HIPK1: variants seen among roughly 807,000 people sequenced by gnomAD.
The protein encoded by HIPK1 is homeodomain-interacting protein kinase 1.
Under a neutral mutation model 117.1 loss-of-function variants are expected in HIPK1, and 28 were observed. The observed-to-expected ratio is 0.24, with a 90% CI of 0.18 to 0.33. The LOEUF (loss-of-function observed/expected upper bound fraction) is 0.33. Among genes scored for constraint, HIPK1 ranks in the 10% least tolerant of loss-of-function variants. HIPK1 has a pLI of 1.00. For missense variants in HIPK1, 1,122 were observed against 1,475.1 expected (o/e 0.76, Z 3.92); for synonymous variants, 605 against 562.5 (o/e 1.08, Z -1.07).
In HIPK1 at chr1:113,976,563, T is replaced by C. The variant is rs1326453563; in HGVS notation, c.*3051T>C. The C allele has an allele frequency of 6.5e-6, 1 of 152,814 alleles. No homozygotes were observed. Among genetic ancestry groups the C allele is most frequent in the Non-Finnish European group, 1.5e-5 (1 of 68,048 alleles). 9.5% of individuals were successfully genotyped at this position (152,814 alleles called of 1,614,324 possible). On this transcript the variant is annotated 3_prime_UTR_variant, in exon 16 of 16. Transcript: ENST00000426820. Reference sequence around the variant, plus strand: ...ATACCAAGAGCTTGTATTGTTACCTTAGTCACTTGCCTAGCAGTGTGTGGC... The same window carrying C: ...ATACCAAGAGCTTGTATTGTTACCTCAGTCACTTGCCTAGCAGTGTGTGGC...
intron 2 of HIPK1, among the ~76,000 whole-genome samples, chr1:113,942,382 A>G (rs186623985): frequency 5.7e-4 from 87 of 152,360 alleles, no homozygotes; most frequent in South Asian, 8.3e-4. Flanking sequence ...GAGTCTTGAA[A>G]TACACAAAGA....
chr1:113,954,414 A>T (rs947444314), intron 3 of HIPK1, among the ~76,000 whole-genome samples: 25 of 152,372 alleles, frequency 1.6e-4, no homozygotes, highest in African/African-American at 4.6e-4. Flanking sequence ...TTAGAAGTCA[A>T]CAGGAAAAGC....
chr1:113,929,883 C>G, intron 1 of HIPK1: 2 of 987,034 alleles, frequency 2.0e-6, no homozygotes, highest in Non-Finnish European at 2.4e-6. Context: ...ATCTCGTCTC[C>G]TCCGCCGCCT....
chr1:113,970,140 A>G lies in HIPK1; in HGVS notation c.2956A>G (p.Ile986Val), dbSNP rs1672725653. The G allele has an allele frequency of 4.3e-6, 7 of 1,614,178 alleles. No homozygotes were observed. The highest frequency in any genetic ancestry group is 5.9e-6 in the Non-Finnish European group (7 of 1,180,032). Residue 986 changes from isoleucine to valine, a missense_variant, in exon 14 of 16, where the codon ATT (isoleucine) becomes GTT (valine). By Grantham distance (29) the Ile-to-Val change is conservative. This residue lies in a region of HIPK1 where 731 missense variants were observed against 860.4 expected (regional missense o/e 0.85). Transcript: ENST00000426820. ...VADGTGTRTI[I>V]VPPLKTQLGD... ...AGATGGCACTGGCACCCGCACTATC[A>G]TTGTGCCTCCACTGAAAACTCAGCT...
rs905427267 is a variant in HIPK1, at chr1:113,973,962, T to C, written c.*450T>C. ...GCTGATAGAAGGAGTTGAAATCTGATGACAAAAAAAGAAAAATTACTTTTT... is the reference window on the plus strand; with the variant it reads ...GCTGATAGAAGGAGTTGAAATCTGACGACAAAAAAAGAAAAATTACTTTTT... On this transcript the variant is annotated 3_prime_UTR_variant, in exon 16 of 16. Transcript: ENST00000426820. The C allele has an allele frequency of 6.5e-6, 1 of 153,806 alleles. No individual in the cohort carries two copies. The highest frequency in any genetic ancestry group is 2.4e-5 in the African/African-American group (1 of 41,518). 9.5% of individuals were successfully genotyped at this position (153,806 alleles called of 1,614,324 possible).
chr1:113,954,878 AG>A (rs1201488557), intron 4 of HIPK1, 108 bp downstream of exon 4: 6 of 1,022,382 alleles, frequency 5.9e-6, no homozygotes, highest in Non-Finnish European at 1.4e-6. Context: ...GGGAAAGGAG[AG>A]GGGGAAGCAT....
rs199565306 is a variant in HIPK1, at chr1:113,973,516, G to A, written c.*4G>A. 1 of 1,570,076 alleles carries A rather than the reference G, an allele frequency of 6.4e-7. No homozygotes were observed. Among genetic ancestry groups the A allele is most frequent in the African/African-American group, 1.3e-5 (1 of 74,300 alleles). On this transcript the variant is annotated 3_prime_UTR_variant, in exon 16 of 16. Transcript: ENST00000426820. ...CAGCCAGTATTCCTACTTATAGTTG[G>A]TGAGCATGAGGGAGGAGGAATCATG... is the stretch of plus-strand genomic sequence containing the variant.
At chr1:113,938,630 C>T (rs115704628) in intron 1 of HIPK1, among the ~76,000 whole-genome samples, 1,537 of 151,826 alleles carry the variant, frequency 0.01, 14 homozygotes, top group Non-Finnish European at 0.015. Flanking sequence ...CTTAGGAGGC[C>T]AGGGGCAGTG....
rs550590116 is a variant in HIPK1, at chr1:113,968,974, C to T, written c.2771+326C>T. Among the ~76,000 whole-genome samples the T allele has an allele frequency of 3.0e-3, 455 of 152,236 alleles. 4 individuals are homozygous for T. Among genetic ancestry groups the T allele is most frequent in the African/African-American group, 0.011 (440 of 41,534 alleles). ...GGCGGAGGTTACAGTGAGCTGAGAT[C>T]GTGCCACTGTACTCCAGCCTGAGTG... is the stretch of plus-strand genomic sequence containing the variant. On this transcript the variant is annotated intron_variant, in intron 13 of 15. Coordinates refer to ENST00000426820, the MANE Select transcript of HIPK1 (RefSeq NM_198268.3).
In HIPK1 at chr1:113,973,082, G is replaced by A. The variant is rs373924938; in HGVS notation, c.3203G>A (p.Arg1068His). 7.7e-5 allele frequency: 118 copies of A among 1,533,300 alleles called. No homozygotes were observed. Among genetic ancestry groups the A allele is most frequent in the Admixed American group, 4.9e-4 (24 of 48,644 alleles). The allele number at this position is 1,533,300 out of a possible 1,614,324, so 95.0% of individuals were successfully genotyped here. ...SQERSSNPAPRRQQAFVAPLS... is the reference protein window; with the variant it reads ...SQERSSNPAPHRQQAFVAPLS... ...GAGAGAAGCAGCAACCCAGCCCCCC[G>A]CAGGCAGCAGGCGTTTGTGGCCCCT... Residue 1068 changes from arginine to histidine, a missense_variant, in exon 16 of 16, where the codon CGC (arginine) becomes CAC (histidine). By Grantham distance (29) the Arg-to-His change is conservative (BLOSUM62 0). This residue lies in a region of HIPK1 where 731 missense variants were observed against 860.4 expected (regional missense o/e 0.85). Coordinates refer to ENST00000426820, the MANE Select transcript of HIPK1 (RefSeq NM_198268.3).
intron 12 of HIPK1, 76 bp downstream of exon 12, chr1:113,968,024 A>C: frequency 7.7e-7 from 1 of 1,305,018 alleles, no homozygotes; most frequent in Non-Finnish European, 1.1e-6. Flanking sequence ...GGAATATTGT[A>C]TAGACATATA....
chr1:113,971,716 A>G (rs971929469), intron 14 of HIPK1, 108 bp from the exon 15 acceptor site: 161 of 1,016,292 alleles, frequency 1.6e-4, no homozygotes, highest in Non-Finnish European at 2.2e-4. Context: ...TAGAATTGAG[A>G]CCTTAATGCT....
Position 113,977,533 on chromosome 1 carries a change from C to A in HIPK1, c.*4021C>A, listed in dbSNP as rs1673201584. On this transcript the variant is annotated 3_prime_UTR_variant, in exon 16 of 16. Transcript: ENST00000426820. ...TTCTTTTACAACAAGCCTCTAGAAA[C>A]AGATAGTTTCTGAGAATTACTGAGC... The A allele has an allele frequency of 6.6e-6, 1 of 152,636 alleles. No individual in the cohort carries two copies. Among genetic ancestry groups the A allele is most frequent in the Admixed American group, 6.5e-5 (1 of 15,270 alleles). 9.5% of individuals were successfully genotyped at this position (152,636 alleles called of 1,614,324 possible). A position where few individuals can be genotyped will look rare whatever the true frequency, so the allele number is the denominator to read the frequency against.
chr1:113,959,011 C>T (rs1671913805), intron 8 of HIPK1, among the ~76,000 whole-genome samples: 1 of 151,894 alleles, frequency 6.6e-6, no homozygotes, highest in Non-Finnish European at 1.5e-5. Context: ...CTAGTCTGTC[C>T]AGTTTCTTTT....
intron 1 of HIPK1, among the ~76,000 whole-genome samples, chr1:113,931,984 A>G (rs1238323989): frequency 2.0e-5 from 3 of 152,152 alleles, no homozygotes; most frequent in Middle Eastern, 6.3e-3. Context: ...GCCATTCTGA[A>G]CACAAGTCAT....
At position 113,967,918 on chromosome 1, in the gene HIPK1, A is replaced by G. The variant is rs550215588; in HGVS notation, c.2534A>G (p.Lys845Arg). ...CAATCCAGTTCCCTCCCTTCGAAGAAGAATAAGCAGTCAGCTCCAGTCTCT... is the reference window on the plus strand; with the variant it reads ...CAATCCAGTTCCCTCCCTTCGAAGAGGAATAAGCAGTCAGCTCCAGTCTCT... ...QQQSSSLPSK[K>R]NKQSAPVSSK... is the part of the protein sequence containing the mutation. Residue 845 changes from lysine to arginine, a missense_variant, in exon 12 of 16, where the codon AAG becomes AGG. Transcript: ENST00000426820. 1 of 1,608,418 alleles carries G rather than the reference A, an allele frequency of 6.2e-7. No homozygotes were observed. Among genetic ancestry groups the G allele is most frequent in the Non-Finnish European group, 8.5e-7 (1 of 1,178,754 alleles).
intron 8 of HIPK1, among the ~76,000 whole-genome samples, chr1:113,959,173 A>G (rs1304067357): frequency 6.6e-6 from 1 of 152,126 alleles, no homozygotes; most frequent in Non-Finnish European, 1.5e-5. Flanking sequence ...GGTATTTCAT[A>G]TAACACTTTA....
At position 113,952,979 on chromosome 1, in the gene HIPK1, G is replaced by A. The variant is rs866815797; in HGVS notation, c.1200+90G>A. The A allele has an allele frequency of 4.6e-4, 542 of 1,187,254 alleles. 4 individuals are homozygous for A. In the Middle Eastern group the frequency reaches 5.2e-3, roughly 11 times the overall value. 73.5% of individuals were successfully genotyped at this position (1,187,254 alleles called of 1,614,324 possible). ...AAGAGAAGTACTAAGTACTACTGAA[G>A]TATTTAGATAATAGGGAAAGAGTAG... On this transcript the variant is annotated intron_variant, in intron 3 of 15. Coordinates refer to ENST00000426820, the MANE Select transcript of HIPK1 (RefSeq NM_198268.3).
intron 15 of HIPK1, among the ~76,000 whole-genome samples, chr1:113,972,461 C>CG (rs1672902241): frequency 1.3e-5 from 2 of 152,208 alleles, no homozygotes; most frequent in South Asian, 4.1e-4. Context: ...CTGCTTCTCT[C>CG]ATTACTTTAT....
Sources: gnomAD v4.1 joint callset for allele counts (sites outside exome capture counted in the v4.1 genomes callset) on GRCh38, gnomAD v4.1.1 for gene constraint, gnomAD v4.1.1 regional missense constraint, MANE v1.5 for transcripts, NCBI Gene and HGNC (gene_info 2026-07-23, HGNC 2026-07-21) for gene names.